CSMD1: variants seen among roughly 807,000 people sequenced by gnomAD.
The protein encoded by CSMD1 is CUB and Sushi multiple domains 1.
In CSMD1, 213 loss-of-function variants were observed where a neutral mutation model predicts 417.5. The ratio of observed to expected loss-of-function variants is 0.51; its 90% CI spans 0.46 to 0.57. The LOEUF is 0.57. CSMD1 is among the 20% of genes least tolerant of loss of function. CSMD1 has a pLI of 0.00. For missense variants in CSMD1, 6,923 were observed against 4,529.7 expected, an observed-to-expected ratio of 1.53 and a Z score of -15.17; for synonymous variants, 2,862 against 1,736.8, an observed-to-expected ratio of 1.65 and a Z score of -16.11.
intron 29 of CSMD1, 25 bp from the exon 30 acceptor site, chr8:3,214,716 G>C: frequency 1.3e-6 from 2 of 1,523,114 alleles, no homozygotes; most frequent in East Asian, 2.5e-5. Context: ...AATGTAAACT[G>C]CATGAGAGCA....
At chr8:3,697,831 A>G (rs1258951056) in intron 7 of CSMD1, among the ~76,000 whole-genome samples, 5 of 152,202 alleles carry the variant, frequency 3.3e-5, no homozygotes, top group Admixed American at 1.3e-4. Context: ...GTCTGCCATC[A>G]TCTCCAGGTT....
chr8:4,163,449 T>G (rs1797280594), intron 3 of CSMD1, among the ~76,000 whole-genome samples: 1 of 152,252 alleles, frequency 6.6e-6, no homozygotes, highest in South Asian at 2.1e-4. Flanking sequence ...TTTTTACGTT[T>G]GTATTTTAAT....
chr8:3,977,583 C>G (rs1309549910), intron 5 of CSMD1, among the ~76,000 whole-genome samples: 1 of 152,132 alleles, frequency 6.6e-6, no homozygotes, highest in Admixed American at 6.5e-5. Flanking sequence ...GCACAAAGCC[C>G]CATGTTAAAT....
intron 3 of CSMD1, among the ~76,000 whole-genome samples, chr8:4,078,409 G>A (rs1343082444): frequency 6.7e-6 from 1 of 148,792 alleles, no homozygotes; most frequent in Non-Finnish European, 1.5e-5. Context: ...CCACCTCCCG[G>A]GTTCACGCCA....
intron 2 of CSMD1, among the ~76,000 whole-genome samples, chr8:4,496,309 G>A (rs1441908149): frequency 6.6e-6 from 1 of 152,196 alleles, no homozygotes; most frequent in African/African-American, 2.4e-5. Flanking sequence ...CAATGGTTCA[G>A]GATCAAAGGA....
chr8:4,807,950 C>T (rs180839431), intron 1 of CSMD1, among the ~76,000 whole-genome samples: 2 of 152,298 alleles, frequency 1.3e-5, no homozygotes, highest in African/African-American at 4.8e-5. Context: ...AAAGCCCACC[C>T]TCAGTAGGAG....
chr8:4,153,486 T>C (rs980786681), intron 3 of CSMD1, among the ~76,000 whole-genome samples: 3 of 152,352 alleles, frequency 2.0e-5, no homozygotes, highest in Non-Finnish European at 2.9e-5. Flanking sequence ...CTTCCCAGTC[T>C]TTCTGACATT....
chr8:3,764,206 A>G (rs1048808530), intron 5 of CSMD1, among the ~76,000 whole-genome samples: 1 of 152,104 alleles, frequency 6.6e-6, no homozygotes, highest in Non-Finnish European at 1.5e-5. Context: ...TTAGGTCACT[A>G]AGTCACATGT....
intron 1 of CSMD1, among the ~76,000 whole-genome samples, chr8:4,666,284 T>G (rs978101088): frequency 3.3e-5 from 5 of 152,176 alleles, no homozygotes; most frequent in Non-Finnish European, 7.3e-5. Flanking sequence ...AAGCTAACCT[T>G]AGAATAGAAA....
chr8:4,727,447 G>A (rs758140638), intron 1 of CSMD1, among the ~76,000 whole-genome samples: 2 of 152,160 alleles, frequency 1.3e-5, no homozygotes. Flanking sequence ...GCGTAAGATA[G>A]TTCTAAAAGA....
intron 3 of CSMD1, among the ~76,000 whole-genome samples, chr8:4,347,828 C>G (rs568650639): frequency 8.0e-6 from 1 of 125,338 alleles, no homozygotes; most frequent in African/African-American, 3.9e-5. Context: ...ATTATATCTT[C>G]TCTCGTTCAA....
intron 3 of CSMD1, among the ~76,000 whole-genome samples, chr8:4,369,444 A>ATG (rs1802276598): frequency 6.6e-6 from 1 of 152,272 alleles, no homozygotes; most frequent in South Asian, 2.1e-4. Context: ...TGTTTTATAG[A>ATG]TGTCTCTGAC....
chr8:4,426,078 GAATT>G (rs945462389), intron 2 of CSMD1, among the ~76,000 whole-genome samples: 2 of 147,560 alleles, frequency 1.4e-5, no homozygotes, highest in African/African-American at 5.1e-5. Flanking sequence ...TAAATAAAAG[GAATT>G]ATTTTGAAAA....
At chr8:3,635,638 C>T (rs1161435827) in intron 7 of CSMD1, among the ~76,000 whole-genome samples, 1 of 151,338 alleles carries the variant, frequency 6.6e-6, no homozygotes, top group Non-Finnish European at 1.5e-5. Flanking sequence ...CGCCAGCCAC[C>T]ATGCCTGGCT....
intron 2 of CSMD1, among the ~76,000 whole-genome samples, chr8:4,601,046 T>A (rs1800552418): frequency 6.6e-6 from 1 of 151,226 alleles, no homozygotes; most frequent in Non-Finnish European, 1.5e-5. Context: ...AACCTCCGTC[T>A]CCCAGGTTCA....
chr8:4,091,166 G>C (rs574555539), intron 3 of CSMD1, among the ~76,000 whole-genome samples: 3 of 152,112 alleles, frequency 2.0e-5, no homozygotes, highest in Non-Finnish European at 1.5e-5. Flanking sequence ...TGATCCACAT[G>C]GCTCGGCCTC....
In CSMD1 at chr8:4,424,212, A is replaced by C. The variant is rs116637178; in HGVS notation, c.303-4147T>G. Among the ~76,000 whole-genome samples the C allele has an allele frequency of 3.9e-3, 596 of 152,164 alleles. 4 individuals carry two copies. Among genetic ancestry groups the C allele is most frequent in the African/African-American group, 0.014 (563 of 41,544 alleles). On this transcript the variant is annotated intron_variant, in intron 2 of 69. Transcript: ENST00000635120. ...TAAATTGGATTTCATAAAAATTAAAAACTTTGGCTGCAAAAGACCGCATTA... is the reference window on the plus strand; with the variant it reads ...TAAATTGGATTTCATAAAAATTAAACACTTTGGCTGCAAAAGACCGCATTA...
At chr8:4,219,897 G>C (rs886475118) in intron 3 of CSMD1, among the ~76,000 whole-genome samples, 1 of 152,128 alleles carries the variant, frequency 6.6e-6, no homozygotes, top group African/African-American at 2.4e-5. Flanking sequence ...AGGTGGAAAC[G>C]ATGTACTTGT....
chr8:3,640,491 G>A (rs559210180), intron 7 of CSMD1, among the ~76,000 whole-genome samples: 2 of 152,268 alleles, frequency 1.3e-5, no homozygotes, highest in African/African-American at 4.8e-5. Flanking sequence ...TGTCTAATCA[G>A]TTAATGGAAA....
Sources: gnomAD v4.1 joint callset for allele counts (sites outside exome capture counted in the v4.1 genomes callset) on GRCh38, gnomAD v4.1.1 for gene constraint, MANE v1.5 for transcripts, NCBI Gene and HGNC (gene_info 2026-07-23, HGNC 2026-07-21) for gene names.